Variants in MAP4K1 observed in about 807,000 individuals in gnomAD.
MAP4K1 encodes the protein mitogen-activated protein kinase kinase kinase kinase 1, also known as MAPK/ERK kinase kinase kinase 1.
In MAP4K1, 35 loss-of-function variants were observed where a neutral mutation model predicts 122.8. The ratio of observed to expected loss-of-function variants is 0.29; its 90% CI spans 0.22 to 0.38. The LOEUF is 0.38. Ranked by LOEUF, MAP4K1 falls within the 10% of genes least tolerant of loss-of-function variation. MAP4K1 has a pLI of 1.00. For missense variants in MAP4K1, 791 were observed against 1,072.6 expected (o/e 0.74, Z 3.67); for synonymous variants, 412 against 421.3 (o/e 0.98, Z 0.27).
intron 8 of MAP4K1, 90 bp downstream of exon 8, chr19:38,613,790 C>A: frequency 1.0e-6 from 1 of 998,584 alleles, no homozygotes; most frequent in South Asian, 1.4e-5. Context: ...GGCAGGGGAA[C>A]GGAGCCAGGA....
rs370828370 is a variant in MAP4K1 at position 38,596,491 on chromosome 19, G to C, written c.1942-5C>G. The C allele has an allele frequency of 6.5e-7, 1 of 1,542,472 alleles. No homozygotes were observed. Among genetic ancestry groups the C allele is most frequent in the Non-Finnish European group, 8.7e-7 (1 of 1,145,848 alleles). On this transcript the variant is annotated splice_polypyrimidine_tract_variant and splice_region_variant and intron_variant, in intron 25 of 30. Coordinates refer to ENST00000396857, the MANE Select transcript of MAP4K1 (RefSeq NM_001042600.3). ...CGGCAGTGGGAACAGCACCTGCTGC[G>C]GGCCGCACAGGGAGGGGCGGGCTAG...
chr19:38,599,796 A>T, intron 22 of MAP4K1, 129 bp downstream of exon 22: 1 of 862,268 alleles, frequency 1.2e-6, no homozygotes, highest in Non-Finnish European at 1.9e-6. Flanking sequence ...AGTGTCTGGG[A>T]TTTGAACCTA....
intron 8 of MAP4K1, 58 bp from the exon 9 acceptor site, chr19:38,612,800 G>A (rs1975537438): frequency 1.3e-6 from 2 of 1,587,096 alleles, no homozygotes; most frequent in Non-Finnish European, 1.7e-6. Flanking sequence ...AGGGAAGGAG[G>A]GGCAGAGAAG....
intron 30 of MAP4K1, among the ~76,000 whole-genome samples, chr19:38,589,778 C>G (rs931365995): frequency 3.0e-4 from 46 of 152,188 alleles, no homozygotes; most frequent in African/African-American, 1.0e-3. Flanking sequence ...GCCTATAAGC[C>G]CAGCACTTTG....
chr19:38,591,624 AAT>A (rs1454201342), intron 30 of MAP4K1, among the ~76,000 whole-genome samples: 1 of 152,102 alleles, frequency 6.6e-6, no homozygotes, highest in Non-Finnish European at 1.5e-5. Flanking sequence ...AAATAGTTAA[AAT>A]AGTTATTTTT....
At position 38,601,526 on chromosome 19, in the gene MAP4K1, C is replaced by A; in HGVS notation, c.1447-1G>T. ...ACAACTTTACGAGAAGGGCACATCC[C>A]TGGGCAGGTCGCCGCGGGGCCAGGC... is the stretch of plus-strand genomic sequence containing the variant. On this transcript the variant is annotated splice_acceptor_variant, in intron 19 of 30. Transcript: ENST00000396857. LOFTEE classifies it high-confidence loss of function. The A allele has an allele frequency of 6.2e-7, 1 of 1,603,750 alleles. No individual in the cohort carries two copies. The highest frequency in any genetic ancestry group is 1.3e-5 in the African/African-American group (1 of 74,886).
At position 38,617,425 on chromosome 19, in the gene MAP4K1, A is replaced by C; in HGVS notation, c.177T>G (p.Leu59=). The C allele has an allele frequency of 6.2e-7, 1 of 1,613,384 alleles. No individual in the cohort carries two copies. Among genetic ancestry groups the C allele is most frequent in the Non-Finnish European group, 8.5e-7 (1 of 1,179,518 alleles). ...KMEPDDDVST[L]QKEILILKTC... Reference sequence around the variant, plus strand: ...TTTTCAATATGAGGATTTCCTTCTGAAGGGTGGAGACATCATCATCTGTGA... The same window carrying C: ...TTTTCAATATGAGGATTTCCTTCTGCAGGGTGGAGACATCATCATCTGTGA... The change falls in exon 3 of 31, where the codon CTT becomes CTG. Residue 59 remains leucine, a synonymous_variant. Coordinates refer to ENST00000396857, the MANE Select transcript of MAP4K1 (RefSeq NM_001042600.3). The surrounding 1 kb of genome is among the most constrained non-coding windows in gnomAD (Gnocchi z 4.1).
In MAP4K1 at chr19:38,605,653, G is replaced by A. The variant is rs747183075; in HGVS notation, c.1278C>T (p.Val426=). ...DDGQLSPGVL[V]RCASGPPPNS... is the part of the protein sequence containing the mutation. ...TTGGTGGGGGCCCACTGGCACACCGGACCAGCACCCCCGGGCTCAGCTGCC... is the reference window on the plus strand; with the variant it reads ...TTGGTGGGGGCCCACTGGCACACCGAACCAGCACCCCCGGGCTCAGCTGCC... Residue 426 remains valine (V), a synonymous_variant, in exon 18 of 31, where the codon GTC becomes GTT. Transcript: ENST00000396857. 1.9e-6 allele frequency: 3 copies of A among 1,604,392 alleles called. No individual in the cohort carries two copies. The South Asian group carries it at 3.3e-5, about 18-fold the overall frequency.
chr19:38,605,464 C>T lies in MAP4K1; in HGVS notation c.1391G>A (p.Arg464Gln), dbSNP rs748266439. 11 of 1,596,848 alleles carry T rather than the reference C, an allele frequency of 6.9e-6. No homozygotes were observed. The highest frequency in any genetic ancestry group is 4.5e-5 in the South Asian group (4 of 88,152). ...CAGAAGTGGGGGCTTGTCAAGCTCCCGGGAGGGTGGGTTCCAGAGTGAGGG... is the reference window on the plus strand; with the variant it reads ...CAGAAGTGGGGGCTTGTCAAGCTCCTGGGAGGGTGGGTTCCAGAGTGAGGG... ...SEPSLWNPPS[R>Q]ELDKPPLLPP... is the part of the protein sequence containing the mutation. The change falls in exon 19 of 31, where the codon CGG becomes CAG. Residue 464 changes from arginine to glutamine, a missense_variant. Coordinates refer to ENST00000396857, the MANE Select transcript of MAP4K1 (RefSeq NM_001042600.3).
At chr19:38,598,927 C>T (rs1974971517) in intron 22 of MAP4K1, among the ~76,000 whole-genome samples, 1 of 147,644 alleles carries the variant, frequency 6.8e-6, no homozygotes. Context: ...GCAGGAGAAT[C>T]GCTTGAACCT....
intron 26 of MAP4K1, 92 bp from the exon 27 acceptor site, chr19:38,596,093 C>T (rs899405313): frequency 1.4e-6 from 2 of 1,404,612 alleles, no homozygotes; most frequent in African/African-American, 1.4e-5. Flanking sequence ...CTTTAGCCAC[C>T]GCCTCAGTTC....
At chr19:38,605,182 G>T (rs988165111) in intron 19 of MAP4K1, among the ~76,000 whole-genome samples, 1 of 151,506 alleles carries the variant, frequency 6.6e-6, no homozygotes, top group Non-Finnish European at 1.5e-5. Context: ...TACCCTCTCT[G>T]TGCTTCAATT....
intron 9 of MAP4K1, 43 bp from the exon 10 acceptor site, chr19:38,611,348 G>T: frequency 7.3e-7 from 1 of 1,369,872 alleles, no homozygotes; most frequent in Non-Finnish European, 1.0e-6. Context: ...ACCCTCAAGG[G>T]GGCCAGACCT....
At chr19:38,589,984 C>T (rs146607614) in intron 30 of MAP4K1, among the ~76,000 whole-genome samples, 4 of 151,608 alleles carry the variant, frequency 2.6e-5, no homozygotes, top group Admixed American at 6.6e-5. Context: ...GAGCCATGAT[C>T]GCGTCACTGC....
chr19:38,600,933 G>A (rs750322234), intron 20 of MAP4K1, among the ~76,000 whole-genome samples: 3 of 151,510 alleles, frequency 2.0e-5, no homozygotes, highest in Non-Finnish European at 4.4e-5. Context: ...AGCCTCCTGA[G>A]TAGCTGGGAT....
intron 13 of MAP4K1, among the ~76,000 whole-genome samples, chr19:38,609,001 A>G (rs1053128891): frequency 2.6e-5 from 4 of 151,534 alleles, no homozygotes; most frequent in African/African-American, 9.7e-5. Context: ...ACAAATAAAT[A>G]AGTTTTGGGA....
At chr19:38,603,119 TA>T (rs1489698867) in intron 19 of MAP4K1, among the ~76,000 whole-genome samples, 1 of 140,202 alleles carries the variant, frequency 7.1e-6, no homozygotes, top group African/African-American at 2.6e-5. Context: ...TATACACATG[TA>T]CATATATACG....
At chr19:38,599,058 G>A (rs1329694923) in intron 22 of MAP4K1, among the ~76,000 whole-genome samples, 1 of 149,088 alleles carries the variant, frequency 6.7e-6, no homozygotes, top group African/African-American at 2.5e-5. Context: ...GCCAGGTGCG[G>A]TGGCCCACAC....
intron 30 of MAP4K1, 106 bp from the exon 31 acceptor site, chr19:38,587,923 A>G: frequency 2.4e-6 from 2 of 839,618 alleles, no homozygotes; most frequent in South Asian, 2.8e-5. Flanking sequence ...ATGCTGAACT[A>G]TAGCAGTGAA....
Sources: allele counts gnomAD v4.1 joint callset (sites outside exome capture counted in the v4.1 genomes callset), GRCh38; gene constraint gnomAD v4.1.1; non-coding constraint Gnocchi (gnomAD v3.1); transcripts MANE v1.5; gene names NCBI Gene and HGNC (gene_info 2026-07-23, HGNC 2026-07-21).